The following FNIP1 variants were observed in gnomAD, a reference collection of about 807,000 sequenced individuals.
The protein encoded by FNIP1 is folliculin-interacting protein 1.
Under a neutral mutation model 124.5 loss-of-function variants are expected in FNIP1, and 40 were observed. The observed-to-expected ratio is 0.32, with a 90% CI of 0.25 to 0.42. The LOEUF (loss-of-function observed/expected upper bound fraction) is 0.42. Among genes scored for constraint, FNIP1 ranks in the 10% least tolerant of loss-of-function variants. FNIP1 has a pLI of 1.00. For synonymous variants in FNIP1, 472 were observed against 470.6 expected (o/e 1.00, Z -0.04); for missense variants, 1,176 against 1,403.7 (o/e 0.84, Z 2.59).
At chr5:131,773,297 C>T (rs1580827393) in intron 1 of FNIP1, among the ~76,000 whole-genome samples, 1 of 152,176 alleles carries the variant, frequency 6.6e-6, no homozygotes, top group Non-Finnish European at 1.5e-5. Flanking sequence ...AGACAAAACC[C>T]CTGCTCAGGT....
At chr5:131,698,593 G>C (rs1051717477) in intron 11 of FNIP1, among the ~76,000 whole-genome samples, 3 of 152,008 alleles carry the variant, frequency 2.0e-5, no homozygotes, top group African/African-American at 7.3e-5. Flanking sequence ...TACTACCACT[G>C]GTTAAATAAC....
chr5:131,758,862 C>G (rs1448004289), intron 1 of FNIP1, among the ~76,000 whole-genome samples: 2 of 151,892 alleles, frequency 1.3e-5, no homozygotes, highest in African/African-American at 4.8e-5. Flanking sequence ...TCCAAGAGGG[C>G]AAACTGGTTC....
chr5:131,696,619 T>C (rs1768701902), intron 11 of FNIP1, among the ~76,000 whole-genome samples: 2 of 151,936 alleles, frequency 1.3e-5, no homozygotes, highest in African/African-American at 4.8e-5. Flanking sequence ...ATAAAAATAT[T>C]AAATTAAAAT....
intron 1 of FNIP1, among the ~76,000 whole-genome samples, chr5:131,752,701 G>T (rs918565675): frequency 6.6e-6 from 1 of 152,144 alleles, no homozygotes; most frequent in Non-Finnish European, 1.5e-5. Context: ...TTCACAAAAG[G>T]AGATATATGA....
chr5:131,762,841 T>TA (rs1771276171), intron 1 of FNIP1, among the ~76,000 whole-genome samples: 1 of 152,214 alleles, frequency 6.6e-6, no homozygotes, highest in Non-Finnish European at 1.5e-5. Context: ...AATGGAGTAT[T>TA]ATTCAGTCAT....
chr5:131,782,109 A>T (rs1224013834), intron 1 of FNIP1, among the ~76,000 whole-genome samples: 1 of 152,096 alleles, frequency 6.6e-6, no homozygotes, highest in Non-Finnish European at 1.5e-5. Flanking sequence ...AGCTAGGATC[A>T]CACCACTGCA....
At chr5:131,690,002 C>T (rs1258848619) in intron 11 of FNIP1, among the ~76,000 whole-genome samples, 4 of 151,946 alleles carry the variant, frequency 2.6e-5, no homozygotes, top group Non-Finnish European at 5.9e-5. Flanking sequence ...GGGTGGATCG[C>T]GAGGTCAGGA....
At chr5:131,659,725 G>A (rs559236944) in intron 15 of FNIP1, among the ~76,000 whole-genome samples, 4 of 152,276 alleles carry the variant, frequency 2.6e-5, no homozygotes, top group East Asian at 1.9e-4. Flanking sequence ...CCATATACAC[G>A]GCTGGGGTGT....
At chr5:131,696,822 C>T (rs972869914) in intron 11 of FNIP1, among the ~76,000 whole-genome samples, 1 of 151,992 alleles carries the variant, frequency 6.6e-6, no homozygotes, top group African/African-American at 2.4e-5. Context: ...GTGTACTGTA[C>T]AGAACAGTAA....
chr5:131,644,837 CCAACTGTAAGGT>C, intron 17 of FNIP1, 74 bp from the exon 18 acceptor site: 1 of 1,431,582 alleles, frequency 7.0e-7, no homozygotes. Context: ...GCAATGACCA[CCAACTGTAAGGT>C]CACTATACCT....
Position 131,670,472 on chromosome 5 carries a change from A to C in FNIP1, c.3099T>G (p.His1033Gln). ...AGTGAAGGTCACTCACCTGCACAGC[A>C]TGAGATAAATCTGACATCAGACACT... ...FRQCLMSDLS[H>Q]AVQHPVLDEP... Residue 1033 changes from histidine (H) to glutamine (Q), a missense_variant, in exon 15 of 18, where the codon CAT becomes CAG. Transcript: ENST00000510461. 6.2e-7 allele frequency: 1 copy of C among 1,609,246 alleles called. No individual in the cohort carries two copies.
chr5:131,695,160 T>G (rs1768649662), intron 11 of FNIP1, among the ~76,000 whole-genome samples: 1 of 150,684 alleles, frequency 6.6e-6, no homozygotes, highest in Non-Finnish European at 1.5e-5. Flanking sequence ...AATAAAGCAT[T>G]AACTGGGAAA....
intron 15 of FNIP1, among the ~76,000 whole-genome samples, chr5:131,659,356 T>C (rs1239523517): frequency 1.3e-5 from 2 of 152,234 alleles, no homozygotes; most frequent in African/African-American, 4.8e-5. Flanking sequence ...GGCAGCAGGA[T>C]AGCTCATTGC....
intron 1 of FNIP1, among the ~76,000 whole-genome samples, chr5:131,763,286 AATACACACACACACAC>A (rs1771295499): frequency 1.8e-5 from 2 of 110,726 alleles, no homozygotes. Flanking sequence ...TGCAAATGCA[AATACACACACACACAC>A]ACACACACAC....
At chr5:131,755,994 G>A (rs1349976496) in intron 1 of FNIP1, among the ~76,000 whole-genome samples, 4 of 150,480 alleles carry the variant, frequency 2.7e-5, no homozygotes, top group Non-Finnish European at 5.9e-5. Context: ...CAGCCTGGGC[G>A]ACAGAGAGAC....
chr5:131,676,666 G>C (rs913464670), intron 13 of FNIP1, among the ~76,000 whole-genome samples: 1 of 152,112 alleles, frequency 6.6e-6, no homozygotes, highest in African/African-American at 2.4e-5. Context: ...GACTAAGGTA[G>C]GGAGATCATT....
intron 15 of FNIP1, among the ~76,000 whole-genome samples, chr5:131,662,817 A>G (rs1270889754): frequency 7.1e-6 from 1 of 139,954 alleles, no homozygotes; most frequent in East Asian, 2.1e-4. Flanking sequence ...TTGGCTCACC[A>G]CAACCTTGGC....
intron 1 of FNIP1, among the ~76,000 whole-genome samples, chr5:131,769,651 C>T (rs2149576906): frequency 6.6e-6 from 1 of 152,322 alleles, no homozygotes; most frequent in East Asian, 1.9e-4. Context: ...TTAATCCCAG[C>T]AATGGAACCA....
intron 1 of FNIP1, among the ~76,000 whole-genome samples, chr5:131,793,368 T>C (rs931075201): frequency 2.6e-5 from 4 of 152,210 alleles, no homozygotes; most frequent in Non-Finnish European, 5.9e-5. Context: ...CTATAGTTAT[T>C]GGGCTTATAC....
Sources: allele counts gnomAD v4.1 joint callset (sites outside exome capture counted in the v4.1 genomes callset), GRCh38; gene constraint gnomAD v4.1.1; transcripts MANE v1.5; gene names NCBI Gene and HGNC (gene_info 2026-07-23, HGNC 2026-07-21).